Variants in RPGRIP1L observed in about 807,000 individuals in gnomAD.
The protein encoded by RPGRIP1L is protein fantom.
In RPGRIP1L, 131 loss-of-function variants were observed where a neutral mutation model predicts 160.4. The ratio of observed to expected loss-of-function variants is 0.82; its 90% CI spans 0.71 to 0.94. The LOEUF is 0.94. Among genes scored for constraint, RPGRIP1L ranks in the 40% least tolerant of loss-of-function variants. The pLI is 0.00. For missense variants in RPGRIP1L, 1,522 were observed against 1,535.8 expected, an observed-to-expected ratio of 0.99 and a Z score of 0.15; for synonymous variants, 510 against 515.8, an observed-to-expected ratio of 0.99 and a Z score of 0.15.
chr16:53,612,045 T>G (rs762324211), intron 24 of RPGRIP1L, among the ~76,000 whole-genome samples: 1 of 152,218 alleles, frequency 6.6e-6, no homozygotes. Flanking sequence ...TTTAGTTCAA[T>G]TCCAAATTAT....
intron 22 of RPGRIP1L, among the ~76,000 whole-genome samples, chr16:53,635,174 CTTT>C (rs1366591648): frequency 1.3e-5 from 2 of 152,088 alleles, no homozygotes. Flanking sequence ...TGCTAAACTT[CTTT>C]GTTAAATTAA....
chr16:53,673,591 G>GT (rs927738631), intron 7 of RPGRIP1L, among the ~76,000 whole-genome samples: 18 of 151,220 alleles, frequency 1.2e-4, no homozygotes, highest in Non-Finnish European at 2.1e-4. Flanking sequence ...ATGTCACATA[G>GT]TTTTTTTTTA....
chr16:53,625,422 CTGGGGGGTGGGG>C (rs1417902893), intron 22 of RPGRIP1L, among the ~76,000 whole-genome samples: 2 of 140,412 alleles, frequency 1.4e-5, no homozygotes, highest in Non-Finnish European at 3.1e-5. Context: ...GCCGCCCCGT[CTGGGGGGTGGGG>C]TGGGGGGTGC....
chr16:53,669,024 A>G (rs1384127877), intron 9 of RPGRIP1L, among the ~76,000 whole-genome samples: 2 of 152,222 alleles, frequency 1.3e-5, no homozygotes, highest in Non-Finnish European at 2.9e-5. Context: ...AAACTAGTCA[A>G]TTTTGAATAA....
At chr16:53,679,259 C>T (rs970136572) in intron 6 of RPGRIP1L, among the ~76,000 whole-genome samples, 2 of 152,140 alleles carry the variant, frequency 1.3e-5, no homozygotes, top group African/African-American at 2.4e-5. Flanking sequence ...TAAAATCACA[C>T]TCAGTGGAAG....
chr16:53,697,278 C>T (rs1486478143), intron 2 of RPGRIP1L, among the ~76,000 whole-genome samples: 3 of 152,054 alleles, frequency 2.0e-5, no homozygotes, highest in Admixed American at 1.3e-4. Context: ...ACAGAAAATT[C>T]ATATGATCAT....
intron 25 of RPGRIP1L, among the ~76,000 whole-genome samples, chr16:53,610,428 A>G (rs542120463): frequency 1.3e-5 from 2 of 152,346 alleles, no homozygotes; most frequent in Admixed American, 1.3e-4. Flanking sequence ...GTCACTACTT[A>G]CAATGATTGC....
intron 9 of RPGRIP1L, among the ~76,000 whole-genome samples, chr16:53,666,578 G>GTA (rs1345405477): frequency 1.6e-4 from 21 of 130,622 alleles, no homozygotes; most frequent in Non-Finnish European, 3.1e-4. Flanking sequence ...GTGTGTGTGT[G>GTA]TGTGTGTGTG....
chr16:53,621,745 G>A (rs543082468), intron 23 of RPGRIP1L, among the ~76,000 whole-genome samples: 35 of 151,804 alleles, frequency 2.3e-4, no homozygotes, highest in African/African-American at 7.2e-4. Flanking sequence ...CAACTAGGCC[G>A]GGCGCAGTGG....
Position 53,637,723 on chromosome 16 carries a change from T to G in RPGRIP1L, c.3192A>C (p.Thr1064=), listed in dbSNP as rs956639777. The G allele has an allele frequency of 6.2e-7, 1 of 1,611,164 alleles. No individual in the cohort carries two copies. Among genetic ancestry groups the G allele is most frequent in the Non-Finnish European group, 8.5e-7 (1 of 1,179,730 alleles). The change falls in exon 21 of 27, where the codon ACA becomes ACC. Residue 1064 remains threonine, a synonymous_variant. Transcript: ENST00000647211. ...EQSLASSEDE[T]EITEDLEPEV... ...CTGGTTCCAAGTCCTCTGTTATTTC[T>G]GTTTCATCTTCAGAAGATGCCAAGC...
At chr16:53,612,173 G>T (rs1040165711) in intron 24 of RPGRIP1L, among the ~76,000 whole-genome samples, 1 of 152,154 alleles carries the variant, frequency 6.6e-6, no homozygotes, top group East Asian at 1.9e-4. Context: ...TAAAGGTACC[G>T]GTATAGGGGT....
At chr16:53,630,389 A>G (rs1172576605) in intron 22 of RPGRIP1L, among the ~76,000 whole-genome samples, 1 of 152,196 alleles carries the variant, frequency 6.6e-6, no homozygotes, top group East Asian at 1.9e-4. Context: ...CACTAAGGCA[A>G]AATTTATTCA....
At chr16:53,671,378 C>A in intron 9 of RPGRIP1L, 132 bp downstream of exon 9, 1 of 654,388 alleles carries the variant, frequency 1.5e-6, no homozygotes, top group Non-Finnish European at 2.7e-6. Context: ...TTCCTTTATA[C>A]AGTTTGCATA....
Position 53,641,492 on chromosome 16 carries a change from A to AT in RPGRIP1L, c.2684-18dup, listed in dbSNP as rs1234840883. 6.3e-7 allele frequency: 1 copy of AT among 1,598,554 alleles called. No homozygotes were observed. The highest frequency in any genetic ancestry group is 1.7e-5 in the Admixed American group (1 of 59,954). ...CAAATATTCCTGTCAAATTACAATA[A>AT]TTTTAATTAATGCTAGAGTGAAGTT... On this transcript the variant is annotated splice_polypyrimidine_tract_variant and intron_variant, in intron 17 of 26. Transcript: ENST00000647211.
intron 22 of RPGRIP1L, among the ~76,000 whole-genome samples, chr16:53,634,429 T>C (rs180781952): frequency 1.8e-3 from 275 of 152,292 alleles, no homozygotes; most frequent in African/African-American, 6.2e-3. Context: ...TTTACCAAGA[T>C]TAAATTTCAC....
At chr16:53,610,817 C>T (rs1377909193) in intron 25 of RPGRIP1L, 150 bp downstream of exon 25, 2 of 682,616 alleles carry the variant, frequency 2.9e-6, no homozygotes, top group Admixed American at 2.3e-5. Flanking sequence ...AGGCGATCTA[C>T]AGAGATCCCG....
intron 6 of RPGRIP1L, among the ~76,000 whole-genome samples, chr16:53,677,470 G>A (rs932927349): frequency 2.0e-4 from 30 of 151,892 alleles, no homozygotes; most frequent in African/African-American, 7.3e-4. Context: ...AGAAGAGGAG[G>A]ATAATCTGTT....
intron 16 of RPGRIP1L, among the ~76,000 whole-genome samples, chr16:53,647,961 C>T (rs939620020): frequency 2.0e-5 from 3 of 151,822 alleles, no homozygotes; most frequent in Non-Finnish European, 4.4e-5. Flanking sequence ...AAAATTTAGC[C>T]GGCTGTAGTG....
At chr16:53,634,267 A>C (rs1965695840) in intron 22 of RPGRIP1L, among the ~76,000 whole-genome samples, 1 of 152,220 alleles carries the variant, frequency 6.6e-6, no homozygotes, top group Admixed American at 6.5e-5. Context: ...CCTGAAGGCC[A>C]TATTTCTTAA....
Sources: gnomAD v4.1 joint callset for allele counts (sites outside exome capture counted in the v4.1 genomes callset) on GRCh38, gnomAD v4.1.1 for gene constraint, MANE v1.5 for transcripts, NCBI Gene and HGNC (gene_info 2026-07-23, HGNC 2026-07-21) for gene names.